Variants in ARMC2 observed in about 807,000 individuals in gnomAD.
ARMC2 encodes the protein armadillo repeat containing 2, also known as armadillo repeat-containing protein 2.
In ARMC2, 67 loss-of-function variants were observed where a neutral mutation model predicts 90.3. The ratio of observed to expected loss-of-function variants is 0.74; its 90% CI spans 0.61 to 0.91. The LOEUF is 0.91. Ranked by LOEUF, ARMC2 falls within the 40% of genes least tolerant of loss-of-function variation. ARMC2 has a pLI of 0.00. For missense variants in ARMC2, 920 were observed against 1,030.9 expected, an observed-to-expected ratio of 0.89 and a Z score of 1.47; for synonymous variants, 393 against 393.0, an observed-to-expected ratio of 1.00 and a Z score of 0.00.
chr6:109,038,997 G>A, the ARMC2 span, among the ~76,000 whole-genome samples: 2 of 149,218 alleles, frequency 1.3e-5, no homozygotes, highest in Non-Finnish European at 3.0e-5. Flanking sequence ...GGAGGAGGAG[G>A]AGAAAAGAAG....
chr6:108,992,461 T>C, the ARMC2 span, among the ~76,000 whole-genome samples: 2 of 152,132 alleles, frequency 1.3e-5, no homozygotes, highest in Non-Finnish European at 2.9e-5. Flanking sequence ...GGTTCTCAAA[T>C]ATTTTCATAA....
chr6:108,868,799 G>A (rs897499251), intron 3 of ARMC2, 25 bp from the exon 4 acceptor site: 4 of 1,609,828 alleles, frequency 2.5e-6, no homozygotes, highest in African/African-American at 2.7e-5. Context: ...AGTCATTCCA[G>A]TTATTTAAAA....
At chr6:108,993,848 G>A in the ARMC2 span, among the ~76,000 whole-genome samples, 10 of 151,734 alleles carry the variant, frequency 6.6e-5, no homozygotes, top group Admixed American at 6.6e-5. Context: ...TTGAGTAGCC[G>A]GTACTACAGG....
chr6:108,919,684 A>G (rs1222523232), intron 10 of ARMC2, among the ~76,000 whole-genome samples: 1 of 152,226 alleles, frequency 6.6e-6, no homozygotes, highest in Non-Finnish European at 1.5e-5. Flanking sequence ...GATGAGTTTG[A>G]CAAAAGTAGA....
At position 108,952,439 on chromosome 6, in the gene ARMC2, A is replaced by G. The variant is rs550914179; in HGVS notation, c.1597-594A>G. ...GGTAGGTACTGCCTTAAAGTAGTGT[A>G]GCTACGTAACACAGCGCTTCTCCAC... On this transcript the variant is annotated intron_variant, in intron 12 of 17. Transcript: ENST00000392644. Among the ~76,000 whole-genome samples the G allele has an allele frequency of 3.2e-4, 49 of 151,922 alleles. 1 individual carries two copies. Among genetic ancestry groups the G allele is most frequent in the Non-Finnish European group, 6.0e-4 (41 of 67,990 alleles).
chr6:108,984,566 C>T, the ARMC2 span, among the ~76,000 whole-genome samples: 1 of 152,182 alleles, frequency 6.6e-6, no homozygotes, highest in Non-Finnish European at 1.5e-5. Context: ...TACATTTCAG[C>T]ATACAACATA....
At chr6:109,023,737 T>C in the ARMC2 span, among the ~76,000 whole-genome samples, 1 of 152,192 alleles carries the variant, frequency 6.6e-6, no homozygotes, top group Non-Finnish European at 1.5e-5. Context: ...GGTTTGGATC[T>C]AACAAAATAA....
intron 15 of ARMC2, among the ~76,000 whole-genome samples, chr6:108,963,735 T>C (rs536536716): frequency 4.3e-4 from 65 of 152,302 alleles, no homozygotes; most frequent in African/African-American, 1.5e-3. Context: ...TTTTTAGCAG[T>C]CTGAGTCTTA....
At chr6:108,933,319 T>C (rs972301586) in intron 11 of ARMC2, among the ~76,000 whole-genome samples, 4 of 152,182 alleles carry the variant, frequency 2.6e-5, no homozygotes, top group African/African-American at 9.6e-5. Context: ...ATCTTATTCT[T>C]TTTGTGGCAA....
chr6:108,910,382 C>T (rs570001020), intron 8 of ARMC2, among the ~76,000 whole-genome samples: 5 of 152,070 alleles, frequency 3.3e-5, no homozygotes, highest in South Asian at 2.1e-4. Context: ...ATTGAGCGCA[C>T]GTGGTCAAGG....
the ARMC2 span, among the ~76,000 whole-genome samples, chr6:108,989,530 T>C: frequency 3.9e-5 from 4 of 103,484 alleles, no homozygotes; most frequent in African/African-American, 1.3e-4. Flanking sequence ...GAGATATCTA[T>C]AGAGATAGAG....
At chr6:108,961,842 G>A (rs992294560) in intron 14 of ARMC2, 148 bp downstream of exon 14, 39 of 1,152,140 alleles carry the variant, frequency 3.4e-5, no homozygotes, top group Non-Finnish European at 4.6e-5. Context: ...ATTAGAATAT[G>A]GGGAAACTAG....
At chr6:108,893,679 T>C (rs1771319907) in intron 5 of ARMC2, among the ~76,000 whole-genome samples, 1 of 152,234 alleles carries the variant, frequency 6.6e-6, no homozygotes, top group African/African-American at 2.4e-5. Context: ...ATATGACTTG[T>C]TTTAAAAAGA....
chr6:109,050,470 TTAAA>T, the ARMC2 span, among the ~76,000 whole-genome samples: 87 of 152,244 alleles, frequency 5.7e-4, no homozygotes, highest in African/African-American at 2.0e-3. Context: ...TGGCAAGTCT[TTAAA>T]TATTAAAAAT....
chr6:108,884,857 G>A (rs866538954), intron 5 of ARMC2, among the ~76,000 whole-genome samples: 4 of 152,194 alleles, frequency 2.6e-5, no homozygotes, highest in Admixed American at 6.5e-5. Context: ...CAGTTCTGGC[G>A]TAAGGTGTGA....
chr6:109,052,980 G>T, the ARMC2 span, among the ~76,000 whole-genome samples: 1 of 152,214 alleles, frequency 6.6e-6, no homozygotes, highest in South Asian at 2.1e-4. Context: ...AGTTGTAAAT[G>T]TTAGGAATAA....
chr6:108,972,003 G>A (rs1778800128), intron 17 of ARMC2, among the ~76,000 whole-genome samples: 1 of 151,942 alleles, frequency 6.6e-6, no homozygotes, highest in African/African-American at 2.4e-5. Context: ...CATTTTAGAA[G>A]TTGGCCTCAT....
intron 3 of ARMC2, among the ~76,000 whole-genome samples, chr6:108,861,677 G>T (rs1272699994): frequency 1.3e-5 from 2 of 152,216 alleles, no homozygotes; most frequent in Non-Finnish European, 2.9e-5. Context: ...CACATGGCTT[G>T]TTAACGTCTA....
chr6:108,983,071 C>T, the ARMC2 span, among the ~76,000 whole-genome samples: 1 of 152,070 alleles, frequency 6.6e-6, no homozygotes, highest in Non-Finnish European at 1.5e-5. Context: ...CCTGCCTCGG[C>T]CTCCCAAACT....
Sources: gnomAD v4.1 joint callset for allele counts (sites outside exome capture counted in the v4.1 genomes callset) on GRCh38, gnomAD v4.1.1 for gene constraint, MANE v1.5 for transcripts, NCBI Gene and HGNC (gene_info 2026-07-23, HGNC 2026-07-21) for gene names.